Variants in AOAH observed in about 807,000 individuals in gnomAD.
The protein encoded by AOAH is acyloxyacyl hydrolase.
Under a neutral mutation model 92.2 loss-of-function variants are expected in AOAH, and 64 were observed. That is an observed-to-expected ratio of 0.69 (90% confidence interval 0.57 to 0.86). The LOEUF (loss-of-function observed/expected upper bound fraction) is 0.86. Among genes scored for constraint, AOAH ranks in the 40% least tolerant of loss-of-function variants. The pLI is 0.00. For missense variants in AOAH, 656 were observed against 694.6 expected (o/e 0.94, Z 0.62); for synonymous variants, 263 against 254.5 (o/e 1.03, Z -0.32).
At chr7:36,532,895 T>A (rs888239703) in intron 16 of AOAH, among the ~76,000 whole-genome samples, 4 of 152,120 alleles carry the variant, frequency 2.6e-5, no homozygotes, top group Admixed American at 2.6e-4. Flanking sequence ...GTTGGTGAAC[T>A]GAAAGCCATA....
chr7:36,545,792 C>T (rs1785766134), intron 15 of AOAH, among the ~76,000 whole-genome samples: 1 of 152,120 alleles, frequency 6.6e-6, no homozygotes, highest in Admixed American at 6.6e-5. Flanking sequence ...CAGCAATTAC[C>T]ATGTTCGTTT....
chr7:36,529,211 C>A (rs1784554587), intron 19 of AOAH, among the ~76,000 whole-genome samples: 2 of 151,404 alleles, frequency 1.3e-5, no homozygotes, highest in African/African-American at 4.9e-5. Flanking sequence ...AATGACAGAG[C>A]TAGTGATCAC....
chr7:36,532,401 G>C, intron 16 of AOAH, 57 bp from the exon 17 acceptor site: 2 of 1,517,058 alleles, frequency 1.3e-6, no homozygotes, highest in Non-Finnish European at 1.8e-6. Flanking sequence ...AGCATTTAGA[G>C]GCACCTGGGG....
At chr7:36,710,557 T>C (rs1798702555) in intron 1 of AOAH, among the ~76,000 whole-genome samples, 1 of 152,224 alleles carries the variant, frequency 6.6e-6, no homozygotes, top group African/African-American at 2.4e-5. Context: ...GGAACTCAAT[T>C]ATGTTATGTC....
At chr7:36,621,156 G>A (rs1348707817) in intron 8 of AOAH, among the ~76,000 whole-genome samples, 1 of 152,190 alleles carries the variant, frequency 6.6e-6, no homozygotes, top group Non-Finnish European at 1.5e-5. Context: ...GCATCCCATT[G>A]TGCCCCTAAA....
In AOAH at chr7:36,714,222, G is replaced by T. The variant is rs145139633; in HGVS notation, c.127+9800C>A. On this transcript the variant is annotated intron_variant, in intron 1 of 20. Transcript: ENST00000617537. ...ACCTCTACGCAAATAAACTAGAAAA[G>T]CTAGAAGAAATGGATAAATTCCTCA... is the stretch of plus-strand genomic sequence containing the variant. Among the ~76,000 whole-genome samples, 1,232 of 152,172 alleles carry T rather than the reference G, an allele frequency of 8.1e-3. 15 individuals are homozygous for T. Among genetic ancestry groups the T allele is most frequent in the African/African-American group, 0.028 (1,175 of 41,514 alleles).
chr7:36,698,430 C>A lies in AOAH; in HGVS notation c.128-11636G>T, dbSNP rs536553134. 2.6e-5 allele frequency among the ~76,000 whole-genome samples: 4 copies of A among 151,962 alleles called. No individual in the cohort carries two copies. In the East Asian group the frequency reaches 7.7e-4, roughly 29 times the overall value. ...ATTGCATTCCTGTTTTTTATTTTAC[C>A]ATTTTCTGCTCTGATCTTTATTATT... On this transcript the variant is annotated intron_variant, in intron 1 of 20. Coordinates refer to ENST00000617537, the MANE Select transcript of AOAH (RefSeq NM_001637.4).
Position 36,513,157 on chromosome 7 carries a change from G to C in AOAH, c.*95C>G. 1 of 1,613,124 alleles carries C rather than the reference G, an allele frequency of 6.2e-7. No homozygotes were observed. Among genetic ancestry groups the C allele is most frequent in the Non-Finnish European group, 8.5e-7 (1 of 1,179,998 alleles). On this transcript the variant is annotated 3_prime_UTR_variant, in exon 21 of 21. Coordinates refer to ENST00000617537, the MANE Select transcript of AOAH (RefSeq NM_001637.4). ...ATGCTGCTGAAGAAGAGTCCTTTGG[G>C]CCTGTGACGTGGCAGCCCCCATAGG... is the stretch of plus-strand genomic sequence containing the variant.
intron 7 of AOAH, among the ~76,000 whole-genome samples, chr7:36,622,573 A>G (rs1349307885): frequency 6.6e-6 from 1 of 152,212 alleles, no homozygotes; most frequent in African/African-American, 2.4e-5. Context: ...GCACACACAC[A>G]CACACGTTAA....
intron 13 of AOAH, among the ~76,000 whole-genome samples, chr7:36,550,484 A>G (rs993914083): frequency 6.6e-6 from 1 of 152,294 alleles, no homozygotes; most frequent in Admixed American, 6.5e-5. Context: ...CCCACTTTTA[A>G]ATTAGGAAAC....
chr7:36,687,253 A>T (rs1797092127), intron 1 of AOAH, among the ~76,000 whole-genome samples: 1 of 152,140 alleles, frequency 6.6e-6, no homozygotes, highest in Non-Finnish European at 1.5e-5. Flanking sequence ...TGTTTCCCAT[A>T]GGGCTGCTGT....
intron 2 of AOAH, among the ~76,000 whole-genome samples, chr7:36,681,014 A>T (rs568039392): frequency 1.1e-5 from 1 of 88,086 alleles, no homozygotes; most frequent in Non-Finnish European, 2.2e-5. Flanking sequence ...TATATTAAGA[A>T]GAGGGAATAA....
chr7:36,637,955 T>C (rs760235914), intron 4 of AOAH, 45 bp from the exon 5 acceptor site: 1 of 1,471,814 alleles, frequency 6.8e-7, no homozygotes, highest in Non-Finnish European at 9.5e-7. Context: ...TGTTTTATCT[T>C]TTCTTCCTAC....
At position 36,517,853 on chromosome 7, in the gene AOAH, G is replaced by A. The variant is rs530265650; in HGVS notation, c.1599+4186C>T. The stretch of plus-strand genomic sequence containing the variant: ...TAGCCTCAGGTGATCTGCCTGCCTC[G>A]ACCACCCAAAGTGCTAGGATTACAG... On this transcript the variant is annotated intron_variant, in intron 20 of 20. Coordinates refer to ENST00000617537, the MANE Select transcript of AOAH (RefSeq NM_001637.4). 5.3e-5 allele frequency among the ~76,000 whole-genome samples: 8 copies of A among 151,412 alleles called. No individual in the cohort carries two copies. In the East Asian group the frequency reaches 1.6e-3, roughly 29 times the overall value.
intron 1 of AOAH, among the ~76,000 whole-genome samples, chr7:36,715,642 A>G (rs10262643): frequency 0.53 from 73,203 of 137,848 alleles, 19,906 homozygotes; most frequent in East Asian, 0.82. Context: ...GACCAACGGA[A>G]CGGAACAGAG....
chr7:36,656,602 G>C (rs929108772), intron 4 of AOAH, among the ~76,000 whole-genome samples: 1 of 151,938 alleles, frequency 6.6e-6, no homozygotes, highest in Non-Finnish European at 1.5e-5. Flanking sequence ...TTTATATGGG[G>C]GAGAGAGACC....
At chr7:36,607,983 C>T (rs1180296761) in intron 11 of AOAH, among the ~76,000 whole-genome samples, 1 of 152,226 alleles carries the variant, frequency 6.6e-6, no homozygotes, top group Non-Finnish European at 1.5e-5. Context: ...AAGTTTGCTG[C>T]TTCAGCCCTG....
intron 12 of AOAH, among the ~76,000 whole-genome samples, chr7:36,580,829 G>C (rs1011207714): frequency 2.0e-5 from 3 of 152,168 alleles, no homozygotes; most frequent in African/African-American, 7.2e-5. Context: ...CTCTTGGGCT[G>C]TTCAGATTCC....
intron 3 of AOAH, among the ~76,000 whole-genome samples, chr7:36,660,454 T>C (rs549582439): frequency 6.6e-6 from 1 of 152,316 alleles, no homozygotes; most frequent in African/African-American, 2.4e-5. Flanking sequence ...CAGCTGGGAT[T>C]ATAGGCACCC....
Sources: allele counts gnomAD v4.1 joint callset (sites outside exome capture counted in the v4.1 genomes callset), GRCh38; gene constraint gnomAD v4.1.1; transcripts MANE v1.5; gene names NCBI Gene and HGNC (gene_info 2026-07-23, HGNC 2026-07-21).